NTNG1: variants seen among roughly 807,000 people sequenced by gnomAD.
The protein encoded by NTNG1 is netrin G1.
In NTNG1, 16 loss-of-function variants were observed where a neutral mutation model predicts 54.0. The observed-to-expected ratio is 0.30, with a 90% CI of 0.20 to 0.45. The LOEUF (loss-of-function observed/expected upper bound fraction) is 0.45, where lower values mean the gene tolerates loss of function less well. NTNG1 is among the 20% of genes least tolerant of loss of function. The pLI, the probability that NTNG1 is intolerant of heterozygous loss-of-function variation, is 1.00. For missense variants in NTNG1, 530 were observed against 678.7 expected (o/e 0.78, Z 2.43); for synonymous variants, 255 against 263.1 (o/e 0.97, Z 0.30).
chr1:107,369,277 C>T (rs1026617701), intron 3 of NTNG1, among the ~76,000 whole-genome samples: 23 of 152,036 alleles, frequency 1.5e-4, no homozygotes, highest in African/African-American at 5.3e-4. Flanking sequence ...GTAGAATGGC[C>T]GAATCATATG....
chr1:107,390,019 AT>A (rs1219145056), intron 3 of NTNG1, among the ~76,000 whole-genome samples: 4 of 152,130 alleles, frequency 2.6e-5, no homozygotes, highest in Non-Finnish European at 5.9e-5. Context: ...GCATTGTGAA[AT>A]GTTTTTGTTT....
chr1:107,410,176 T>A (rs1410346710), intron 5 of NTNG1: 2 of 152,168 alleles, frequency 1.3e-5, no homozygotes, highest in Non-Finnish European at 2.9e-5. Flanking sequence ...GAGACCCCGA[T>A]TATCACAGCA....
intron 3 of NTNG1, among the ~76,000 whole-genome samples, chr1:107,386,360 G>A (rs1406477998): frequency 6.6e-6 from 1 of 151,720 alleles, no homozygotes; most frequent in Non-Finnish European, 1.5e-5. Flanking sequence ...TTTTAGTAGA[G>A]ATGGGGTTTC....
chr1:107,382,771 C>T (rs1185580240), intron 3 of NTNG1, among the ~76,000 whole-genome samples: 2 of 151,988 alleles, frequency 1.3e-5, no homozygotes, highest in African/African-American at 2.4e-5. Flanking sequence ...TTTCCTCTCT[C>T]TCTCTCTCTC....
At chr1:107,242,192 G>A (rs1459213115) in intron 2 of NTNG1, among the ~76,000 whole-genome samples, 2 of 152,008 alleles carry the variant, frequency 1.3e-5, no homozygotes, top group Non-Finnish European at 2.9e-5. Context: ...AGGGGATGGG[G>A]TCAGAGGAGT....
At chr1:107,330,610 TTAGTTA>T (rs1668222105) in intron 3 of NTNG1, among the ~76,000 whole-genome samples, 1 of 152,138 alleles carries the variant, frequency 6.6e-6, no homozygotes, top group Admixed American at 6.6e-5. Flanking sequence ...AAACAGGCTT[TTAGTTA>T]ATTCATGATT....
chr1:107,362,819 CA>C (rs1425654358), intron 3 of NTNG1, among the ~76,000 whole-genome samples: 1 of 152,200 alleles, frequency 6.6e-6, no homozygotes, highest in Non-Finnish European at 1.5e-5. Context: ...ATGAAGATTT[CA>C]AGACCTTTCA....
rs181935999 is a variant in NTNG1 at position 107,264,003 on chromosome 1, G to A, written c.247-60279G>A. Among the ~76,000 whole-genome samples the A allele has an allele frequency of 3.8e-3, 574 of 152,238 alleles. 2 individuals carry two copies. The highest frequency in any genetic ancestry group is 5.8e-3 in the Non-Finnish European group (396 of 68,020). On this transcript the variant is annotated intron_variant, in intron 2 of 7. Coordinates refer to ENST00000370068, the MANE Select transcript of NTNG1 (RefSeq NM_001113226.3). The stretch of plus-strand genomic sequence containing the variant: ...ATCATAGTTTGTTGAAACATTCCAA[G>A]GAATTATAGTTCTAAGCTACCTTGT...
intron 2 of NTNG1, among the ~76,000 whole-genome samples, chr1:107,203,231 A>G (rs183898058): frequency 3.7e-4 from 56 of 149,792 alleles, no homozygotes; most frequent in Middle Eastern, 3.6e-3. Context: ...TGTATTTACT[A>G]TTTTTCTTAC....
At chr1:107,360,850 T>C (rs1670219009) in intron 3 of NTNG1, among the ~76,000 whole-genome samples, 1 of 152,112 alleles carries the variant, frequency 6.6e-6, no homozygotes, top group African/African-American at 2.4e-5. Flanking sequence ...AGTCACTGAG[T>C]ATCTCTCGTC....
intron 3 of NTNG1, among the ~76,000 whole-genome samples, chr1:107,386,395 A>G (rs192776048): frequency 4.3e-4 from 65 of 152,012 alleles, no homozygotes; most frequent in African/African-American, 1.4e-3. Context: ...GCTGGTCTTG[A>G]ACTCCTGACC....
At chr1:107,211,984 A>G (rs1292143658) in intron 2 of NTNG1, among the ~76,000 whole-genome samples, 3 of 152,194 alleles carry the variant, frequency 2.0e-5, no homozygotes, top group African/African-American at 7.2e-5. Context: ...AACTCTGATC[A>G]ATGGCTTCTT....
chr1:107,447,161 A>G (rs895847682), intron 7 of NTNG1, among the ~76,000 whole-genome samples: 1 of 152,034 alleles, frequency 6.6e-6, no homozygotes, highest in African/African-American at 2.4e-5. Context: ...TGAAATATTG[A>G]TTTTATTTTT....
intron 3 of NTNG1, among the ~76,000 whole-genome samples, chr1:107,353,089 C>T (rs1180169487): frequency 6.6e-6 from 1 of 152,220 alleles, no homozygotes; most frequent in African/African-American, 2.4e-5. Flanking sequence ...TGGATATTAA[C>T]ATTTGCATAA....
chr1:107,436,451 T>C (rs1292533526), intron 6 of NTNG1, among the ~76,000 whole-genome samples: 1 of 152,206 alleles, frequency 6.6e-6, no homozygotes. Flanking sequence ...CTTGGAAGTT[T>C]TCAGTTGATT....
At chr1:107,314,588 C>T (rs1667226957) in intron 2 of NTNG1, among the ~76,000 whole-genome samples, 1 of 152,152 alleles carries the variant, frequency 6.6e-6, no homozygotes, top group Non-Finnish European at 1.5e-5. Context: ...TTTATCCCTA[C>T]ACTTTCTCCC....
At position 107,305,617 on chromosome 1, in the gene NTNG1, T is replaced by G. The variant is rs1279785976; in HGVS notation, c.247-18665T>G. On this transcript the variant is annotated intron_variant, in intron 2 of 7. Coordinates refer to ENST00000370068, the MANE Select transcript of NTNG1 (RefSeq NM_001113226.3). ...TTTCTTGTAAATTTGTTTAAGTTCT[T>G]TGTAAATTCTAGATATTAGCTCTTT... 2.0e-5 allele frequency among the ~76,000 whole-genome samples: 3 copies of G among 152,214 alleles called. No individual in the cohort carries two copies. In the East Asian group the frequency reaches 5.8e-4, roughly 29 times the overall value.
chr1:107,205,836 AACT>A (rs1292462875), intron 2 of NTNG1, among the ~76,000 whole-genome samples: 4 of 152,090 alleles, frequency 2.6e-5, no homozygotes, highest in Non-Finnish European at 5.9e-5. Context: ...CCCAAAAGAC[AACT>A]ACTATTTTGA....
At chr1:107,258,130 A>C (rs1663044424) in intron 2 of NTNG1, among the ~76,000 whole-genome samples, 2 of 151,816 alleles carry the variant, frequency 1.3e-5, no homozygotes, top group Admixed American at 6.6e-5. Context: ...AGATAGGATC[A>C]TCTATGTTTG....
Sources: allele counts gnomAD v4.1 joint callset (sites outside exome capture counted in the v4.1 genomes callset), GRCh38; gene constraint gnomAD v4.1.1; transcripts MANE v1.5; gene names NCBI Gene and HGNC (gene_info 2026-07-23, HGNC 2026-07-21).